The following SEH1L variants were observed in gnomAD, a reference collection of about 807,000 sequenced individuals.
SEH1L encodes the protein SEH1 like nucleoporin, also known as nucleoporin SEH1.
Under a neutral mutation model 49.5 loss-of-function variants are expected in SEH1L, and 18 were observed. The ratio of observed to expected loss-of-function variants is 0.36; its 90% CI spans 0.25 to 0.54. The LOEUF (loss-of-function observed/expected upper bound fraction) is 0.54, where lower values mean the gene tolerates loss of function less well. Among genes scored for constraint, SEH1L ranks in the 20% least tolerant of loss-of-function variants. The pLI is 0.87. For missense variants in SEH1L, 404 were observed against 528.8 expected, an observed-to-expected ratio of 0.76 and a Z score of 2.31; for synonymous variants, 169 against 178.1, an observed-to-expected ratio of 0.95 and a Z score of 0.41.
chr18:12,986,029 G>T, intron 8 of SEH1L: 1 of 956,216 alleles, frequency 1.0e-6, no homozygotes, highest in Non-Finnish European at 1.2e-6. Flanking sequence ...TTATTCCATG[G>T]CTTAGCTTCC....
intron 1 of SEH1L, among the ~76,000 whole-genome samples, chr18:12,951,407 T>G (rs1313664368): frequency 1.3e-5 from 2 of 152,146 alleles, no homozygotes; most frequent in Non-Finnish European, 2.9e-5. Context: ...TGTAAATTTT[T>G]TGAGACGGAG....
intron 3 of SEH1L, among the ~76,000 whole-genome samples, chr18:12,956,101 G>C (rs2030839394): frequency 6.7e-6 from 1 of 149,950 alleles, no homozygotes; most frequent in South Asian, 2.1e-4. Flanking sequence ...CTGGAGTGCA[G>C]TGGCACAATC....
At chr18:12,962,631 CTTTT>C (rs562045826) in intron 3 of SEH1L, among the ~76,000 whole-genome samples, 1 of 138,428 alleles carries the variant, frequency 7.2e-6, no homozygotes, top group African/African-American at 2.6e-5. Context: ...CCACACCTGG[CTTTT>C]TTTTTTTTTT....
intron 6 of SEH1L, 119 bp from the exon 7 acceptor site, chr18:12,982,396 TGTG>T (rs1598982286): frequency 1.6e-5 from 10 of 641,354 alleles, no homozygotes; most frequent in Middle Eastern, 4.3e-4. Flanking sequence ...TATAAAGTGA[TGTG>T]GTGGCGAGAC....
chr18:12,950,632 C>G (rs1284668313), intron 1 of SEH1L, among the ~76,000 whole-genome samples: 1 of 152,020 alleles, frequency 6.6e-6, no homozygotes, highest in Non-Finnish European at 1.5e-5. Flanking sequence ...TAGGCTAATT[C>G]TAGAAGATAA....
At chr18:12,979,034 T>C in intron 6 of SEH1L, 142 bp downstream of exon 6, 1 of 803,008 alleles carries the variant, frequency 1.2e-6, no homozygotes, top group Non-Finnish European at 2.0e-6. Context: ...AACTTTGAAA[T>C]GTTTTTTAAA....
chr18:12,986,488 C>T (rs1304649462), intron 8 of SEH1L: 1 of 987,480 alleles, frequency 1.0e-6, no homozygotes, highest in Non-Finnish European at 1.2e-6. Context: ...AGATAAAAAA[C>T]TTAACTAGAT....
chr18:12,979,322 C>T (rs1014820553), intron 6 of SEH1L, among the ~76,000 whole-genome samples: 23 of 150,172 alleles, frequency 1.5e-4, no homozygotes, highest in South Asian at 4.3e-4. Context: ...CATCTTGCAC[C>T]ACCCTTAATC....
intron 6 of SEH1L, among the ~76,000 whole-genome samples, chr18:12,980,141 C>T (rs2032134504): frequency 8.2e-6 from 1 of 122,174 alleles, no homozygotes; most frequent in African/African-American, 3.2e-5. Context: ...GGGCTCCTCA[C>T]TTCCCAGTAG....
chr18:12,984,158 T>C lies in SEH1L; in HGVS notation c.1038T>C (p.Leu346=), dbSNP rs1191217096. The part of the protein sequence containing the change: ...NPSLGSTIPS[L]QNSLNGSSAG... ...CCCTAGGTTCAACTATTCCAAGTCT[T>C]CAGAATTCATTAAATGGATCTTCTG... Residue 346 remains leucine (L), a synonymous_variant, in exon 8 of 9, where the codon CTT becomes CTC. Transcript: ENST00000399892. 1 of 1,613,918 alleles carries C rather than the reference T, an allele frequency of 6.2e-7. No individual in the cohort carries two copies.
At chr18:12,967,839 C>G (rs777109525) in intron 4 of SEH1L, among the ~76,000 whole-genome samples, 12 of 151,526 alleles carry the variant, frequency 7.9e-5, no homozygotes, top group Non-Finnish European at 1.5e-4. Context: ...GCTTGAACTT[C>G]GGAGATGAAG....
intron 1 of SEH1L, chr18:12,948,572 C>T (rs570984677): frequency 2.5e-5 from 5 of 202,114 alleles, no homozygotes; most frequent in African/African-American, 4.6e-5. Context: ...GGGTCTTGCC[C>T]GCGCTGTTCA....
intron 2 of SEH1L, among the ~76,000 whole-genome samples, chr18:12,953,584 C>T (rs1374070095): frequency 1.3e-5 from 2 of 152,044 alleles, no homozygotes; most frequent in Non-Finnish European, 2.9e-5. Flanking sequence ...TCCTTAATAC[C>T]TCATGTTGAT....
intron 3 of SEH1L, among the ~76,000 whole-genome samples, chr18:12,955,877 A>G (rs1254472884): frequency 6.6e-6 from 1 of 152,120 alleles, no homozygotes; most frequent in African/African-American, 2.4e-5. Flanking sequence ...ACCTATTAGT[A>G]TATTTTATGA....
chr18:12,970,010 T>C (rs1047009491), intron 4 of SEH1L, among the ~76,000 whole-genome samples: 1 of 152,232 alleles, frequency 6.6e-6, no homozygotes, highest in Non-Finnish European at 1.5e-5. Flanking sequence ...TTTATTACTG[T>C]AGCATTTTGT....
intron 8 of SEH1L, 141 bp from the exon 9 acceptor site, chr18:12,986,721 C>T (rs1876289981): frequency 8.0e-7 from 1 of 1,257,594 alleles, no homozygotes; most frequent in Non-Finnish European, 1.0e-6. Flanking sequence ...CATGAATATA[C>T]TAAAGCTTTT....
chr18:12,979,495 G>T (rs1258214875), intron 6 of SEH1L, among the ~76,000 whole-genome samples: 1 of 151,930 alleles, frequency 6.6e-6, no homozygotes, highest in African/African-American at 2.4e-5. Context: ...GCAACCATCC[G>T]ATTTCTCAAT....
intron 4 of SEH1L, 115 bp from the exon 5 acceptor site, chr18:12,971,038 G>A: frequency 1.4e-6 from 1 of 692,168 alleles, no homozygotes; most frequent in Non-Finnish European, 2.6e-6. Flanking sequence ...AGATTCACTA[G>A]TAGTGTGACA....
Position 12,948,742 on chromosome 18 carries a change from A to G in SEH1L, c.111+510A>G, listed in dbSNP as rs150057875. 500 of 152,020 alleles carry G rather than the reference A, an allele frequency of 3.3e-3. 7 individuals carry two copies. The East Asian group carries it at 0.037, about 11-fold the overall frequency. 9.4% of individuals were successfully genotyped at this position (152,020 alleles called of 1,614,324 possible). ...ACGCCGAGGAAGAAAAATACAAACC[A>G]TTTACATCCAATGATTTCCCTGCTT... On this transcript the variant is annotated intron_variant, in intron 1 of 8. Transcript: ENST00000399892.
Sources: allele counts gnomAD v4.1 joint callset (sites outside exome capture counted in the v4.1 genomes callset), GRCh38; gene constraint gnomAD v4.1.1; transcripts MANE v1.5; gene names NCBI Gene and HGNC (gene_info 2026-07-23, HGNC 2026-07-21).